The following PCDHGB3 variants were observed in gnomAD, a reference collection of about 807,000 sequenced individuals.
The protein encoded by PCDHGB3 is protocadherin gamma subfamily B, 3, also known as protocadherin gamma-B3.
In PCDHGB3, 40 loss-of-function variants were observed where a neutral mutation model predicts 59.2. The ratio of observed to expected loss-of-function variants is 0.68; its 90% confidence interval spans 0.52 to 0.88. The LOEUF (loss-of-function observed/expected upper bound fraction) is 0.88, where lower values mean the gene tolerates loss of function less well. Ranked by LOEUF, PCDHGB3 falls within the 40% of genes least tolerant of loss-of-function variation. PCDHGB3 has a pLI of 0.00. For missense variants in PCDHGB3, 1,309 were observed against 1,187.9 expected (o/e 1.10, Z -1.50); for synonymous variants, 581 against 503.6 (o/e 1.15, Z -2.06).
At chr5:141,409,219 T>A in intron 1 of PCDHGB3, 1 of 1,614,022 alleles carries the variant, frequency 6.2e-7, no homozygotes, top group Non-Finnish European at 8.5e-7. Context: ...AAATCCTTGA[T>A]GAAAACGACA....
chr5:141,437,331 A>T (rs2097876062), intron 1 of PCDHGB3, among the ~76,000 whole-genome samples: 1 of 152,244 alleles, frequency 6.6e-6, no homozygotes, highest in South Asian at 2.1e-4. Context: ...TAAAATTTGT[A>T]GCTTCACTGT....
chr5:141,412,923 G>A, intron 1 of PCDHGB3: 1 of 420,946 alleles, frequency 2.4e-6, no homozygotes, highest in East Asian at 3.6e-5. Flanking sequence ...CTTGGGTGCA[G>A]TAACTTCTTA....
chr5:141,500,345 A>G (rs1459262760), intron 2 of PCDHGB3, among the ~76,000 whole-genome samples: 3 of 151,916 alleles, frequency 2.0e-5, no homozygotes, highest in Non-Finnish European at 4.4e-5. Context: ...AATAGCTGGG[A>G]CTACAGGCGC....
Position 141,489,463 on chromosome 5 carries a change from T to C in PCDHGB3, c.2416-5344T>C. ...GGGCTCTGAGGAGAATGGGCGCTAT[T>C]TTTCCCTGAGCTTGATGAGTGGTGC... On this transcript the variant is annotated intron_variant, in intron 1 of 3. Transcript: ENST00000576222. This position sits in a 1 kb window ranked among gnomAD's most constrained non-coding sequence, Gnocchi z 4.5. 6.2e-7 allele frequency: 1 copy of C among 1,614,050 alleles called. No individual in the cohort carries two copies. The highest frequency in any genetic ancestry group is 8.5e-7 in the Non-Finnish European group (1 of 1,180,002).
Position 141,477,160 on chromosome 5 carries a change from C to A in PCDHGB3, c.2416-17647C>A, listed in dbSNP as rs768436526. The A allele has an allele frequency of 1.9e-5, 31 of 1,614,068 alleles. No homozygotes were observed. The African/African-American group carries it at 3.6e-4, about 19-fold the overall frequency. On this transcript the variant is annotated intron_variant, in intron 1 of 3. Coordinates refer to ENST00000576222, the MANE Select transcript of PCDHGB3 (RefSeq NM_018924.5). This position sits in a 1 kb window ranked among gnomAD's most constrained non-coding sequence, Gnocchi z 4.9. ...TGGAGGTTGTGGATGTGAATGACAA[C>A]GCCCCGGAGATCACAGTCACCTCCG...
chr5:141,423,561 C>G (rs959698297), intron 1 of PCDHGB3: 7 of 1,613,628 alleles, frequency 4.3e-6, no homozygotes, highest in Non-Finnish European at 5.9e-6. Flanking sequence ...ACTATGGGGA[C>G]ACGCTCATCA....
intron 1 of PCDHGB3, chr5:141,405,415 G>GT (rs757320616): frequency 1.9e-6 from 3 of 1,559,568 alleles, no homozygotes; most frequent in South Asian, 2.3e-5. Context: ...TTCTTTTTTT[G>GT]TTTTTTGTTT....
intron 3 of PCDHGB3, 62 bp downstream of exon 3, chr5:141,505,543 C>T: frequency 6.2e-7 from 1 of 1,609,636 alleles, no homozygotes; most frequent in Non-Finnish European, 8.5e-7. Flanking sequence ...GTGCATCTCA[C>T]AGCCACCATG....
At position 141,394,905 on chromosome 5, in the gene PCDHGB3, G is replaced by A. The variant is rs1281710551; in HGVS notation, c.2415+22096G>A. On this transcript the variant is annotated intron_variant, in intron 1 of 3. Transcript: ENST00000576222. ...TACACTCTATCTCGTGGTGGCAGTG[G>A]CTGCCATCTCCTGTGTCTTCCTCGC... The A allele has an allele frequency of 1.2e-6, 2 of 1,613,720 alleles. No individual in the cohort carries two copies. Among genetic ancestry groups the A allele is most frequent in the Non-Finnish European group, 1.7e-6 (2 of 1,179,870 alleles).
In PCDHGB3 at chr5:141,383,047, A is replaced by T. The variant is rs373552606; in HGVS notation, c.2415+10238A>T. ...AGGGTCCTTTGTGGGAGACATCGCCAAGGACCTGGGGCTGGAGCCCCGGGA... is the reference window on the plus strand; with the variant it reads ...AGGGTCCTTTGTGGGAGACATCGCCTAGGACCTGGGGCTGGAGCCCCGGGA... On this transcript the variant is annotated intron_variant, in intron 1 of 3. Coordinates refer to ENST00000576222, the MANE Select transcript of PCDHGB3 (RefSeq NM_018924.5). The T allele has an allele frequency of 1.6e-5, 26 of 1,613,752 alleles. No individual in the cohort carries two copies. The African/African-American group carries it at 2.9e-4, about 18-fold the overall frequency.
chr5:141,462,852 T>C (rs1334709435), intron 1 of PCDHGB3, among the ~76,000 whole-genome samples: 1 of 152,202 alleles, frequency 6.6e-6, no homozygotes. Flanking sequence ...TTTTGAGTGT[T>C]TGGATTTTGT....
chr5:141,380,982 T>A (rs1776910305), intron 1 of PCDHGB3, among the ~76,000 whole-genome samples: 3 of 152,248 alleles, frequency 2.0e-5, no homozygotes, highest in Non-Finnish European at 2.9e-5. Flanking sequence ...AAATAGAATT[T>A]AACTCCAGTT....
At chr5:141,374,589 G>A (rs1385892757) in intron 1 of PCDHGB3, 1 of 1,613,676 alleles carries the variant, frequency 6.2e-7, no homozygotes, top group Non-Finnish European at 8.5e-7. Context: ...TCCCTTCAGG[G>A]ATTTAAGCTC....
At chr5:141,495,896 CTCTG>C (rs1175207502) in intron 2 of PCDHGB3, among the ~76,000 whole-genome samples, 2 of 152,108 alleles carry the variant, frequency 1.3e-5, no homozygotes, top group Non-Finnish European at 2.9e-5. Flanking sequence ...CTCTCTTTGT[CTCTG>C]TCTCTGTATA....
intron 1 of PCDHGB3, chr5:141,410,268 A>C: frequency 6.2e-7 from 1 of 1,613,994 alleles, no homozygotes. Context: ...GCTGAACTGC[A>C]GTTTTACCTG....
intron 3 of PCDHGB3, 44 bp downstream of exon 3, chr5:141,505,525 G>C: frequency 1.2e-6 from 2 of 1,612,490 alleles, no homozygotes; most frequent in Non-Finnish European, 1.7e-6. Flanking sequence ...GAGACCTGGG[G>C]TTCTGGGGTG....
At chr5:141,408,588 A>G in intron 1 of PCDHGB3, 1 of 1,614,042 alleles carries the variant, frequency 6.2e-7, no homozygotes, top group Non-Finnish European at 8.5e-7. Context: ...GTTAATGACC[A>G]CGCCCCTCAA....
At chr5:141,484,795 C>G (rs1265916821) in intron 1 of PCDHGB3, among the ~76,000 whole-genome samples, 1 of 151,902 alleles carries the variant, frequency 6.6e-6, no homozygotes, top group Middle Eastern at 3.4e-3. Flanking sequence ...AGATAACAAC[C>G]CGTGGAAAAA....
intron 1 of PCDHGB3, chr5:141,427,090 A>G: frequency 2.2e-6 from 1 of 458,214 alleles, no homozygotes; most frequent in East Asian, 6.9e-5. Context: ...GACCAGGATG[A>G]GGGTGTCAAT....
Sources: allele counts gnomAD v4.1 joint callset (sites outside exome capture counted in the v4.1 genomes callset), GRCh38; gene constraint gnomAD v4.1.1; non-coding constraint Gnocchi (gnomAD v3.1); transcripts MANE v1.5; gene names NCBI Gene and HGNC (gene_info 2026-07-23, HGNC 2026-07-21).